Variants in FRMPD2 observed in about 807,000 individuals in gnomAD.
FRMPD2 encodes FERM and PDZ domain-containing protein 2.
In FRMPD2, 96 loss-of-function variants were observed where a neutral mutation model predicts 140.1. The ratio of observed to expected loss-of-function variants is 0.69; its 90% CI spans 0.58 to 0.81. FRMPD2 has a LOEUF of 0.81. Ranked by LOEUF, FRMPD2 falls within the 40% of genes least tolerant of loss-of-function variation. FRMPD2 has a pLI of 0.00. For synonymous variants in FRMPD2, 449 were observed against 547.6 expected, an observed-to-expected ratio of 0.82 and a Z score of 2.52; for missense variants, 1,240 against 1,447.4, an observed-to-expected ratio of 0.86 and a Z score of 2.32.
intron 10 of FRMPD2, among the ~76,000 whole-genome samples, chr10:48,231,163 C>T (rs980275804): frequency 4.6e-5 from 7 of 152,314 alleles, no homozygotes; most frequent in South Asian, 4.1e-4. Context: ...AGCAGTGATG[C>T]TTTCAGAGCA....
intron 1 of FRMPD2, among the ~76,000 whole-genome samples, chr10:48,264,300 T>A (rs1214722464): frequency 2.0e-5 from 3 of 151,598 alleles, no homozygotes; most frequent in Non-Finnish European, 4.4e-5. Flanking sequence ...GAAAAGGAAA[T>A]AAAAGGTATA....
chr10:48,243,759 C>A (rs1368878776), intron 4 of FRMPD2, among the ~76,000 whole-genome samples: 2 of 151,908 alleles, frequency 1.3e-5, no homozygotes, highest in Non-Finnish European at 2.9e-5. Flanking sequence ...CAGGAAGAGC[C>A]CGGATGTTGA....
intron 1 of FRMPD2, among the ~76,000 whole-genome samples, chr10:48,272,471 T>C (rs1840787228): frequency 6.6e-6 from 1 of 152,258 alleles, no homozygotes; most frequent in South Asian, 2.1e-4. Context: ...ATTTTACTGT[T>C]GTCTGTGCTT....
chr10:48,254,800 C>T lies in FRMPD2; in HGVS notation c.26-3109G>A, dbSNP rs988866532. Among the ~76,000 whole-genome samples the T allele has an allele frequency of 3.9e-5, 6 of 152,312 alleles. No individual in the cohort carries two copies. The East Asian group carries it at 5.8e-4, about 15-fold the overall frequency. ...GTCACACAGCTTGGACTTGGGTTTA[C>T]GCTCTTGGTCTCAGAGGCAGAGCTC... is the stretch of plus-strand genomic sequence containing the variant. On this transcript the variant is annotated intron_variant, in intron 1 of 28. Transcript: ENST00000374201.
intron 9 of FRMPD2, among the ~76,000 whole-genome samples, chr10:48,236,176 T>A (rs1205267896): frequency 6.6e-6 from 1 of 152,180 alleles, no homozygotes; most frequent in East Asian, 1.9e-4. Context: ...AAGGACTTTG[T>A]TTCATTCGCA....
rs1367018 is a variant in FRMPD2, at chr10:48,172,737, A to C, written c.3223+209T>G. ...TGGGGGCAGAAAGATGCCTAGAAATAATTTGGGGAAAATGCATTTGTTTCC... is the reference window on the plus strand; with the variant it reads ...TGGGGGCAGAAAGATGCCTAGAAATCATTTGGGGAAAATGCATTTGTTTCC... On this transcript the variant is annotated intron_variant, in intron 25 of 28. Coordinates refer to ENST00000374201, the MANE Select transcript of FRMPD2 (RefSeq NM_001018071.4). Among the ~76,000 whole-genome samples, 255 of 152,204 alleles carry C rather than the reference A, an allele frequency of 1.7e-3. 2 individuals carry two copies. The highest frequency in any genetic ancestry group is 4.7e-3 in the African/African-American group (194 of 41,508).
At chr10:48,240,539 G>A (rs1225169134) in intron 5 of FRMPD2, 47 bp from the exon 6 acceptor site, 1 of 1,608,672 alleles carries the variant, frequency 6.2e-7, no homozygotes, top group South Asian at 1.1e-5. Flanking sequence ...ATAAGGAGGG[G>A]GCGTTTTTAT....
At chr10:48,238,525 G>A (rs1474256954) in intron 7 of FRMPD2, among the ~76,000 whole-genome samples, 2 of 152,254 alleles carry the variant, frequency 1.3e-5, no homozygotes, top group East Asian at 1.9e-4. Context: ...GGAATCAGGG[G>A]GTAAAAATTG....
chr10:48,232,300 C>G lies in FRMPD2; in HGVS notation c.994-11G>C. ...TTTCCCTTTTTTGGTCTGAAAACAA[C>G]AACAGTATCAATTATACTACAATTA... On this transcript the variant is annotated splice_polypyrimidine_tract_variant and intron_variant, in intron 9 of 28. Transcript: ENST00000374201. 1.3e-6 allele frequency: 2 copies of G among 1,595,998 alleles called. No homozygotes were observed. Among genetic ancestry groups the G allele is most frequent in the Non-Finnish European group, 1.7e-6 (2 of 1,168,552 alleles).
rs372116683 is a variant in FRMPD2 at position 48,254,359 on chromosome 10, A to T, written c.26-2668T>A. On this transcript the variant is annotated intron_variant, in intron 1 of 28. Coordinates refer to ENST00000374201, the MANE Select transcript of FRMPD2 (RefSeq NM_001018071.4). Reference sequence around the variant, plus strand: ...TGTATCGCTGCTAGGCAAAAATGCAAATTCCTTTTCTTGACCTGAGAGGTC... The same window carrying T: ...TGTATCGCTGCTAGGCAAAAATGCATATTCCTTTTCTTGACCTGAGAGGTC... Among the ~76,000 whole-genome samples, 5 of 152,286 alleles carry T rather than the reference A, an allele frequency of 3.3e-5. No individual in the cohort carries two copies. The South Asian group carries it at 1.0e-3, about 32-fold the overall frequency.
At chr10:48,265,756 C>T (rs569389598) in intron 1 of FRMPD2, among the ~76,000 whole-genome samples, 4 of 152,246 alleles carry the variant, frequency 2.6e-5, no homozygotes, top group African/African-American at 7.2e-5. Context: ...AATATTAATA[C>T]ATTGTTGGTG....
chr10:48,192,622 A>T, intron 16 of FRMPD2, 62 bp downstream of exon 16: 2 of 1,390,322 alleles, frequency 1.4e-6, no homozygotes, highest in African/African-American at 1.4e-5. Flanking sequence ...TTCAGTACAG[A>T]TCACTGCAAA....
In FRMPD2 at chr10:48,174,919, C is replaced by T. The variant is rs782232511; in HGVS notation, c.3026G>A (p.Cys1009Tyr). Residue 1009 changes from cysteine to tyrosine, a missense_variant, in exon 24 of 29, where the codon TGC (cysteine) becomes TAC (tyrosine). Around this residue, in one of 6 missense-constraint regions of FRMPD2, gnomAD observed 22 missense variants for 35.3 expected, o/e 0.62. Coordinates refer to ENST00000374201, the MANE Select transcript of FRMPD2 (RefSeq NM_001018071.4). ...RLLQVDGVIL[C>Y]GLTHKQAVQC... ...CACAGCCTGCTTGTGGGTGAGGCCG[C>T]ACAGAATCACTCCATCCACCTGCAG... is the stretch of plus-strand genomic sequence containing the variant. The T allele has an allele frequency of 7.1e-5, 48 of 673,772 alleles. No homozygotes were observed. The South Asian group carries it at 7.8e-4, about 11-fold the overall frequency. 41.7% of individuals were successfully genotyped at this position (673,772 alleles called of 1,614,324 possible).
chr10:48,238,193 C>T (rs78304649), intron 7 of FRMPD2, 70 bp from the exon 8 acceptor site: 23,510 of 1,532,788 alleles, frequency 0.015, 215 homozygotes, highest in Non-Finnish European at 0.018. Flanking sequence ...AAAGACCACC[C>T]GCACAGGGGC....
At chr10:48,224,869 A>G (rs1839688800) in intron 10 of FRMPD2, among the ~76,000 whole-genome samples, 1 of 152,236 alleles carries the variant, frequency 6.6e-6, no homozygotes, top group Non-Finnish European at 1.5e-5. Context: ...CACAATTCCT[A>G]AAGACACCTG....
intron 28 of FRMPD2, among the ~76,000 whole-genome samples, chr10:48,158,048 G>A (rs2564808): frequency 1.5e-4 from 22 of 147,532 alleles, no homozygotes; most frequent in African/African-American, 4.8e-4. Context: ...CCTCCCACCC[G>A]TAGACTCCCT....
chr10:48,238,180 A>G, intron 7 of FRMPD2, 57 bp from the exon 8 acceptor site: 1 of 1,576,844 alleles, frequency 6.3e-7, no homozygotes. Flanking sequence ...CTTCCATGGC[A>G]TGAAAGACCA....
chr10:48,248,845 T>G, intron 3 of FRMPD2, 176 bp downstream of exon 3: 2 of 485,836 alleles, frequency 4.1e-6, no homozygotes, highest in Non-Finnish European at 7.1e-6. Context: ...CCCTTGTCCA[T>G]GAGCTAGTAA....
chr10:48,190,940 A>G (rs974562072), intron 16 of FRMPD2, among the ~76,000 whole-genome samples: 3 of 152,212 alleles, frequency 2.0e-5, no homozygotes, highest in Non-Finnish European at 4.4e-5. Flanking sequence ...CTTTTAAACA[A>G]TGAAGTGCTA....
Sources: gnomAD v4.1 joint callset for allele counts (sites outside exome capture counted in the v4.1 genomes callset) on GRCh38, gnomAD v4.1.1 for gene constraint, gnomAD v4.1.1 regional missense constraint, MANE v1.5 for transcripts, NCBI Gene and HGNC (gene_info 2026-07-23, HGNC 2026-07-21) for gene names.